Variants in RARB observed in about 807,000 individuals in gnomAD.
RARB encodes the protein retinoic acid receptor beta.
In RARB, 17 loss-of-function variants were observed where a neutral mutation model predicts 51.9. That is an observed-to-expected ratio of 0.33 (90% CI 0.22 to 0.49). The LOEUF (loss-of-function observed/expected upper bound fraction) is 0.49. Ranked by LOEUF, RARB falls within the 20% of genes least tolerant of loss-of-function variation. The probability of loss-of-function intolerance (pLI) is 0.99; values close to 1 mark genes in which losing one functional copy is unlikely to be tolerated. For missense variants in RARB, 369 were observed against 550.8 expected, an observed-to-expected ratio of 0.67 and a Z score of 3.30; for synonymous variants, 215 against 195.4, an observed-to-expected ratio of 1.10 and a Z score of -0.84.
chr3:25,290,173 T>C (rs1703750874), intron 5 of RARB, among the ~76,000 whole-genome samples: 1 of 152,194 alleles, frequency 6.6e-6, no homozygotes, highest in South Asian at 2.1e-4. Flanking sequence ...CAAATTTATA[T>C]GTTGAAGACC....
At chr3:25,037,259 CTTTT>C (rs35430060) in intron 2 of RARB, among the ~76,000 whole-genome samples, 1 of 143,956 alleles carries the variant, frequency 6.9e-6, no homozygotes, top group East Asian at 2.0e-4. Context: ...ATTTCACCAG[CTTTT>C]TTTTTTTTTT....
chr3:24,997,553 T>C (rs925492110), intron 2 of RARB, among the ~76,000 whole-genome samples: 1 of 152,074 alleles, frequency 6.6e-6, no homozygotes, highest in Non-Finnish European at 1.5e-5. Context: ...AGTTGGGTGG[T>C]TTTCTACAGT....
At chr3:25,290,872 G>T (rs1299799389) in intron 5 of RARB, among the ~76,000 whole-genome samples, 3 of 152,092 alleles carry the variant, frequency 2.0e-5, no homozygotes, top group Non-Finnish European at 4.4e-5. Context: ...ATTAGTCTTT[G>T]ACCCAGCCAT....
chr3:25,055,835 C>G (rs1209926819), intron 2 of RARB, among the ~76,000 whole-genome samples: 2 of 151,968 alleles, frequency 1.3e-5, no homozygotes, highest in Non-Finnish European at 2.9e-5. Context: ...AGCAAGCCTC[C>G]AAAAAGAGTC....
intron 1 of RARB, among the ~76,000 whole-genome samples, chr3:25,436,975 T>C (rs951097421): frequency 1.3e-5 from 2 of 152,180 alleles, no homozygotes; most frequent in Admixed American, 6.5e-5. Context: ...AGTGTCTACA[T>C]TGCAGGATCT....
chr3:25,440,133 A>T (rs1708600817), intron 1 of RARB, among the ~76,000 whole-genome samples: 1 of 152,228 alleles, frequency 6.6e-6, no homozygotes, highest in African/African-American at 2.4e-5. Flanking sequence ...GATTGTTTTT[A>T]CATATATACA....
chr3:25,374,864 C>T (rs1381496033), intron 5 of RARB, among the ~76,000 whole-genome samples: 1 of 152,188 alleles, frequency 6.6e-6, no homozygotes, highest in African/African-American at 2.4e-5. Context: ...TTAACCTTGA[C>T]TTTGCCTACG....
At chr3:25,551,308 T>C (rs1411306294) in intron 3 of RARB, among the ~76,000 whole-genome samples, 2 of 152,206 alleles carry the variant, frequency 1.3e-5, no homozygotes, top group Non-Finnish European at 2.9e-5. Flanking sequence ...CTGTTCATTG[T>C]CATATATGGT....
At chr3:24,958,255 G>GTT (rs71057692) in intron 2 of RARB, among the ~76,000 whole-genome samples, 5,260 of 68,874 alleles carry the variant, frequency 0.076, 1,077 homozygotes, top group Non-Finnish European at 0.11. Flanking sequence ...AGCTGCTCAG[G>GTT]TTTTTTTTTT....
intron 2 of RARB, among the ~76,000 whole-genome samples, chr3:24,881,811 G>C (rs1429188858): frequency 6.6e-6 from 1 of 152,136 alleles, no homozygotes; most frequent in Non-Finnish European, 1.5e-5. Context: ...AGTGATGACT[G>C]CTGAAAATAA....
At chr3:24,963,238 A>G (rs917538872) in intron 2 of RARB, among the ~76,000 whole-genome samples, 16 of 151,918 alleles carry the variant, frequency 1.1e-4, no homozygotes, top group African/African-American at 3.9e-4. Flanking sequence ...TGGCTGTTTG[A>G]AATGGGGTAA....
rs117598879 is a variant in RARB, at chr3:25,108,211, T to C, written c.-327-23950T>C. Among the ~76,000 whole-genome samples, 478 of 152,302 alleles carry C rather than the reference T, an allele frequency of 3.1e-3. 5 individuals carry two copies. The East Asian group carries it at 0.035, about 11-fold the overall frequency. On this transcript the variant is annotated intron_variant, in intron 3 of 11. Coordinates refer to the RARB transcript ENST00000383772. ...GATTGCTTATTTCTGGAATTTTTCA[T>C]TTAACATTTTGGACGATGGTTGATC...
intron 3 of RARB, among the ~76,000 whole-genome samples, chr3:25,568,728 T>C (rs1232081851): frequency 6.6e-6 from 1 of 152,166 alleles, no homozygotes; most frequent in African/African-American, 2.4e-5. Flanking sequence ...CATTTTGCAG[T>C]GCAGATTCCC....
chr3:25,149,930 A>T (rs1281777198), intron 4 of RARB, among the ~76,000 whole-genome samples: 1 of 152,158 alleles, frequency 6.6e-6, no homozygotes, highest in African/African-American at 2.4e-5. Context: ...GGTCAGGCAC[A>T]GTGGCTCACT....
At chr3:24,917,287 A>G (rs961835273) in intron 2 of RARB, among the ~76,000 whole-genome samples, 3 of 152,194 alleles carry the variant, frequency 2.0e-5, no homozygotes, top group Non-Finnish European at 4.4e-5. Flanking sequence ...TGACATGAAA[A>G]GCATGATTCA....
At chr3:25,061,464 G>T (rs1204760519) in intron 3 of RARB, among the ~76,000 whole-genome samples, 1 of 151,706 alleles carries the variant, frequency 6.6e-6, no homozygotes, top group Non-Finnish European at 1.5e-5. Context: ...TAACTTGATT[G>T]CTTTTTTCTA....
intron 3 of RARB, among the ~76,000 whole-genome samples, chr3:25,078,369 C>A (rs1463591451): frequency 6.6e-6 from 1 of 152,054 alleles, no homozygotes; most frequent in Non-Finnish European, 1.5e-5. Flanking sequence ...AATAGATTTT[C>A]ATTTTCTTAT....
chr3:25,229,693 C>A (rs1397407050), intron 5 of RARB, among the ~76,000 whole-genome samples: 1 of 148,680 alleles, frequency 6.7e-6, no homozygotes, highest in Non-Finnish European at 1.5e-5. Flanking sequence ...ATCTCCCCAC[C>A]CCCACCCCCA....
chr3:25,018,337 TCTTCCC>T (rs1697559235), intron 2 of RARB, among the ~76,000 whole-genome samples: 2 of 152,208 alleles, frequency 1.3e-5, no homozygotes, highest in African/African-American at 4.8e-5. Context: ...GTATAATCAT[TCTTCCC>T]CCTCTAATCT....
Sources: gnomAD v4.1 joint callset for allele counts (sites outside exome capture counted in the v4.1 genomes callset) on GRCh38, gnomAD v4.1.1 for gene constraint, MANE v1.5 for transcripts, NCBI Gene and HGNC (gene_info 2026-07-23, HGNC 2026-07-21) for gene names.